MYO7A: variants seen among roughly 807,000 people sequenced by gnomAD.
The protein encoded by MYO7A is unconventional myosin-VIIa.
In MYO7A, 210 loss-of-function variants were observed where a neutral mutation model predicts 263.8. That is an observed-to-expected ratio of 0.80 (90% confidence interval 0.71 to 0.89). The LOEUF is 0.89. Ranked by LOEUF, MYO7A falls within the 40% of genes least tolerant of loss-of-function variation. The probability of loss-of-function intolerance (pLI) is 0.00; values close to 1 mark genes in which losing one functional copy is unlikely to be tolerated. For synonymous variants in MYO7A, 1,239 were observed against 1,197.3 expected, an observed-to-expected ratio of 1.03 and a Z score of -0.72; for missense variants, 2,820 against 2,968.3, an observed-to-expected ratio of 0.95 and a Z score of 1.16.
chr11:77,202,979 G>GGT, intron 37 of MYO7A, 81 bp from the exon 38 acceptor site: 1 of 1,491,554 alleles, frequency 6.7e-7, no homozygotes, highest in East Asian at 2.5e-5. Context: ...GATGGGTGGG[G>GGT]GTGGGGGTCT....
In MYO7A at chr11:77,134,754, A is replaced by C. The variant is rs547406742; in HGVS notation, c.18+4102A>C. On this transcript the variant is annotated intron_variant, in intron 2 of 48. Transcript: ENST00000409709. ...TTTTTCCAATTTTGTATTTTTTAAA[A>C]TACATATAACAACATATACCACTTA... 5.3e-5 allele frequency among the ~76,000 whole-genome samples: 8 copies of C among 150,960 alleles called. No individual in the cohort carries two copies. In the East Asian group the frequency reaches 1.5e-3, roughly 29 times the overall value.
rs1043504284 is a variant in MYO7A, at chr11:77,214,939, G to A, written c.*243G>A. 6.0e-6 allele frequency: 3 copies of A among 497,014 alleles called. No homozygotes were observed. The East Asian group carries it at 1.0e-4, about 17-fold the overall frequency. 30.8% of individuals were successfully genotyped at this position (497,014 alleles called of 1,614,324 possible). ...TGGGTTGGTCTAATCCTAGTTTGCT[G>A]TGGCCTTCCCGGTTGTGAGAGCCTG... On this transcript the variant is annotated 3_prime_UTR_variant, in exon 49 of 49. Coordinates refer to ENST00000409709, the MANE Select transcript of MYO7A (RefSeq NM_000260.4).
At chr11:77,205,971 G>A in intron 40 of MYO7A, 126 bp from the exon 41 acceptor site, 1 of 767,840 alleles carries the variant, frequency 1.3e-6, no homozygotes, top group Non-Finnish European at 2.2e-6. Context: ...AGACTCAGTG[G>A]CCGGTCACAT....
chr11:77,152,476 C>T (rs1308410034), intron 4 of MYO7A, among the ~76,000 whole-genome samples: 4 of 152,216 alleles, frequency 2.6e-5, no homozygotes, highest in South Asian at 4.1e-4. Flanking sequence ...GTGAGGCACT[C>T]AGGGTTACTT....
At position 77,180,323 on chromosome 11, in the gene MYO7A, C is replaced by A. The variant is rs1300954096; in HGVS notation, c.2587-51C>A. ...TGGGTGGAGCTGGTGGGAATCCCTG[C>A]AACAACAGCTACACACATTTCCATG... On this transcript the variant is annotated intron_variant, in intron 21 of 48. Coordinates refer to ENST00000409709, the MANE Select transcript of MYO7A (RefSeq NM_000260.4). 10 of 1,515,490 alleles carry A rather than the reference C, an allele frequency of 6.6e-6. No homozygotes were observed. In the South Asian group the frequency reaches 7.0e-5, roughly 11 times the overall value. 93.9% of individuals were successfully genotyped at this position (1,515,490 alleles called of 1,614,324 possible).
chr11:77,168,993 T>G (rs916092515), intron 15 of MYO7A, among the ~76,000 whole-genome samples: 1 of 152,244 alleles, frequency 6.6e-6, no homozygotes, highest in African/African-American at 2.4e-5. Context: ...TTTTAAAAAT[T>G]TACTGTGCTG....
chr11:77,184,453 T>C, intron 26 of MYO7A, 135 bp from the exon 27 acceptor site: 1 of 731,210 alleles, frequency 1.4e-6, no homozygotes, highest in Non-Finnish European at 2.3e-6. Flanking sequence ...GTAATGACAG[T>C]GATGGGGAGC....
chr11:77,162,913 A>G lies in MYO7A; in HGVS notation c.1615A>G (p.Ile539Val). The change falls in exon 14 of 49, where the codon ATC (isoleucine) becomes GTC (valine). Residue 539 changes from isoleucine to valine, a missense_variant. Transcript: ENST00000409709. ...NSQHKLNANYIPPKNNHETQF... is the reference protein window; with the variant it reads ...NSQHKLNANYVPPKNNHETQF... Reference sequence around the variant, plus strand: ...CCAGCACAAGCTCAACGCCAACTACATCCCCCCCAAGAACAACCATGAGAC... The same window carrying G: ...CCAGCACAAGCTCAACGCCAACTACGTCCCCCCCAAGAACAACCATGAGAC... The G allele has an allele frequency of 1.9e-6, 3 of 1,613,696 alleles. No individual in the cohort carries two copies. The highest frequency in any genetic ancestry group is 1.1e-5 in the South Asian group (1 of 91,058).
chr11:77,165,945 T>C (rs1953501140), intron 14 of MYO7A, 111 bp from the exon 15 acceptor site: 1 of 731,926 alleles, frequency 1.4e-6, no homozygotes, highest in African/African-American at 1.8e-5. Context: ...CGTCATGAAA[T>C]GGATGTGGTG....
rs1555051303 is a variant in MYO7A, at chr11:77,142,665, C to T, written c.19-44C>T. 6 of 1,523,242 alleles carry T rather than the reference C, an allele frequency of 3.9e-6. No homozygotes were observed. In the South Asian group the frequency reaches 4.7e-5, roughly 12 times the overall value. The allele number at this position is 1,523,242 out of a possible 1,614,324, so 94.4% of individuals were successfully genotyped here. A position where few individuals can be genotyped will look rare whatever the true frequency, so the allele number is the denominator to read the frequency against. ...AGGGCTGCCTGGAAGGGGCTCCAAT[C>T]CCCCTCCCTGCTCACCTGGGCTGAG... On this transcript the variant is annotated intron_variant, in intron 2 of 48. Coordinates refer to ENST00000409709, the MANE Select transcript of MYO7A (RefSeq NM_000260.4).
intron 34 of MYO7A, among the ~76,000 whole-genome samples, 190 bp downstream of exon 34, chr11:77,198,811 A>C (rs1229036912): frequency 6.6e-6 from 1 of 152,234 alleles, no homozygotes; most frequent in African/African-American, 2.4e-5. Flanking sequence ...GCTTTACAGC[A>C]CATTAAGGCT....
At chr11:77,203,262 C>T (rs1434826322) in intron 38 of MYO7A, 45 bp downstream of exon 38, 3 of 1,535,982 alleles carry the variant, frequency 2.0e-6, no homozygotes, top group African/African-American at 1.4e-5. Context: ...AGGGACCGGG[C>T]AGGGCCTTCG....
chr11:77,162,995 A>G lies in MYO7A; in HGVS notation c.1690+7A>G. 1 of 1,613,512 alleles carries G rather than the reference A, an allele frequency of 6.2e-7. No individual in the cohort carries two copies. Among genetic ancestry groups the G allele is most frequent in the Non-Finnish European group, 8.5e-7 (1 of 1,179,608 alleles). On this transcript the variant is annotated splice_region_variant and intron_variant, in intron 14 of 48. Transcript: ENST00000409709. ...GTCTACTATGAGACCCAAGGTACAGAGGGCTGCCGGCTGTCTGTCACTCCC... is the reference window on the plus strand; with the variant it reads ...GTCTACTATGAGACCCAAGGTACAGGGGGCTGCCGGCTGTCTGTCACTCCC...
chr11:77,130,553 C>T (rs1177179344), intron 1 of MYO7A, 36 bp from the exon 2 acceptor site: 28 of 1,550,614 alleles, frequency 1.8e-5, no homozygotes, highest in Non-Finnish European at 2.4e-5. Context: ...CAGGGCTGGC[C>T]TGCCCAGAAG....
chr11:77,144,162 C>G (rs1951405691), intron 3 of MYO7A, among the ~76,000 whole-genome samples: 1 of 152,108 alleles, frequency 6.6e-6, no homozygotes, highest in Non-Finnish European at 1.5e-5. Context: ...GACTTTGGAG[C>G]TCAGATTCTG....
chr11:77,195,001 G>C (rs963446786), intron 32 of MYO7A, among the ~76,000 whole-genome samples: 7 of 152,108 alleles, frequency 4.6e-5, no homozygotes, highest in African/African-American at 1.7e-4. Context: ...GCCAGGTAGA[G>C]CAGGGGTATC....
intron 15 of MYO7A, among the ~76,000 whole-genome samples, chr11:77,166,463 C>T (rs1953559459): frequency 1.3e-5 from 2 of 152,184 alleles, no homozygotes; most frequent in Non-Finnish European, 2.9e-5. Flanking sequence ...TGGAATCCAG[C>T]TGCTAAAGAG....
intron 2 of MYO7A, among the ~76,000 whole-genome samples, chr11:77,133,107 G>A (rs565151710): frequency 2.0e-5 from 3 of 152,280 alleles, no homozygotes; most frequent in Admixed American, 6.5e-5. Flanking sequence ...TCTCCAGGGG[G>A]CACGGGGATG....
At chr11:77,128,895 C>T (rs1319801877) in intron 1 of MYO7A, among the ~76,000 whole-genome samples, 3 of 152,142 alleles carry the variant, frequency 2.0e-5, no homozygotes, top group African/African-American at 7.2e-5. Context: ...CCCAAATATC[C>T]CATCTGTGAA....
Sources: gnomAD v4.1 joint callset for allele counts (sites outside exome capture counted in the v4.1 genomes callset) on GRCh38, gnomAD v4.1.1 for gene constraint, MANE v1.5 for transcripts, NCBI Gene and HGNC (gene_info 2026-07-23, HGNC 2026-07-21) for gene names.